Variants in ZFHX4 observed in about 807,000 individuals in gnomAD.
The protein encoded by ZFHX4 is zinc finger homeobox 4.
A neutral mutation model predicts 267.6 loss-of-function variants in ZFHX4; 56 were observed. The observed-to-expected ratio is 0.21, with a 90% CI of 0.17 to 0.26. The LOEUF is 0.26. Among genes scored for constraint, ZFHX4 ranks in the 10% least tolerant of loss-of-function variants. ZFHX4 has a pLI of 1.00. For synonymous variants in ZFHX4, 1,778 were observed against 1,665.6 expected (o/e 1.07, Z -1.64); for missense variants, 4,332 against 4,420.0 (o/e 0.98, Z 0.56).
At chr8:76,766,436 G>T (rs887718519) in intron 3 of ZFHX4, among the ~76,000 whole-genome samples, 3 of 151,870 alleles carry the variant, frequency 2.0e-5, no homozygotes, top group African/African-American at 7.3e-5. Flanking sequence ...ACAAAAGCAT[G>T]GTTTTAATTT....
intron 3 of ZFHX4, among the ~76,000 whole-genome samples, chr8:76,708,724 T>G (rs540885598): frequency 6.6e-6 from 1 of 152,342 alleles, no homozygotes; most frequent in Admixed American, 6.5e-5. Flanking sequence ...ACTGTGCACA[T>G]GTACTGAATA....
At chr8:76,824,613 C>CTGAG (rs1418105724) in intron 4 of ZFHX4, among the ~76,000 whole-genome samples, 1 of 152,092 alleles carries the variant, frequency 6.6e-6, no homozygotes, top group Non-Finnish European at 1.5e-5. Context: ...CACTTTGATC[C>CTGAG]TGAGACTAGA....
chr8:76,710,317 T>C (rs1808390353), intron 3 of ZFHX4, among the ~76,000 whole-genome samples: 1 of 152,190 alleles, frequency 6.6e-6, no homozygotes, highest in Admixed American at 6.5e-5. Context: ...CCAAGTAGCA[T>C]TGTGTTGAGG....
chr8:76,704,691 C>T lies in ZFHX4; in HGVS notation c.603C>T (p.Leu201=), dbSNP rs954096599. ...IINTFHIASS[L]GKPFTADQAF... is the part of the protein sequence containing the mutation. ...ACACTTTTCATATCGCTTCATCCCT[C>T]GGGAAACCATTTACAGCCGATCAGG... The change falls in exon 2 of 11, where the codon CTC becomes CTT. Residue 201 remains leucine (L), a synonymous_variant. Coordinates refer to ENST00000651372, the MANE Select transcript of ZFHX4 (RefSeq NM_024721.5). 1.2e-6 allele frequency: 2 copies of T among 1,613,976 alleles called. No homozygotes were observed. The highest frequency in any genetic ancestry group is 1.7e-6 in the Non-Finnish European group (2 of 1,179,880).
At chr8:76,752,617 G>C (rs1028685168) in intron 3 of ZFHX4, among the ~76,000 whole-genome samples, 1 of 152,038 alleles carries the variant, frequency 6.6e-6, no homozygotes, top group African/African-American at 2.4e-5. Flanking sequence ...GCTGCAGTGA[G>C]CTGAGATCAT....
At chr8:76,785,430 C>T (rs1334724242) in intron 4 of ZFHX4, among the ~76,000 whole-genome samples, 2 of 151,872 alleles carry the variant, frequency 1.3e-5, no homozygotes, top group African/African-American at 2.4e-5. Flanking sequence ...TTTTTGCAGG[C>T]AAATATTCCC....
intron 3 of ZFHX4, among the ~76,000 whole-genome samples, chr8:76,710,858 G>C (rs1244944201): frequency 6.6e-6 from 1 of 152,150 alleles, no homozygotes; most frequent in Non-Finnish European, 1.5e-5. Context: ...GTTAAGGTTA[G>C]CTTAGAAGCA....
chr8:76,752,383 T>C (rs1809637205), intron 3 of ZFHX4, among the ~76,000 whole-genome samples: 1 of 148,818 alleles, frequency 6.7e-6, no homozygotes, highest in Non-Finnish European at 1.5e-5. Context: ...GGCTCACACC[T>C]GTAATCCCAG....
At chr8:76,832,054 C>G (rs1405438789) in intron 4 of ZFHX4, among the ~76,000 whole-genome samples, 1 of 151,362 alleles carries the variant, frequency 6.6e-6, no homozygotes, top group Non-Finnish European at 1.5e-5. Flanking sequence ...AAATAGATTA[C>G]TACTAAAGGC....
chr8:76,741,849 T>G (rs1405523488), intron 3 of ZFHX4, among the ~76,000 whole-genome samples: 1 of 152,218 alleles, frequency 6.6e-6, no homozygotes, highest in East Asian at 1.9e-4. Flanking sequence ...TCCTCCTGTT[T>G]CAGAGATGAC....
chr8:76,688,849 A>G (rs1208510947), intron 1 of ZFHX4, among the ~76,000 whole-genome samples: 1 of 152,140 alleles, frequency 6.6e-6, no homozygotes, highest in Non-Finnish European at 1.5e-5. Context: ...TATTAACCCA[A>G]CTTGTTTGTT....
intron 4 of ZFHX4, among the ~76,000 whole-genome samples, chr8:76,797,116 G>A (rs1217723389): frequency 1.3e-5 from 2 of 152,122 alleles, no homozygotes; most frequent in African/African-American, 2.4e-5. Context: ...CTATTTTGTC[G>A]TATATTCAAT....
At position 76,866,393 on chromosome 8, in the gene ZFHX4, G is replaced by T; in HGVS notation, c.*1828G>T. 6.6e-6 allele frequency: 1 copy of T among 150,922 alleles called. No homozygotes were observed. The allele number at this position is 150,922 out of a possible 1,614,324, so 9.3% of individuals were successfully genotyped here. ...TTTATTATTGTACAGTTTTTGTTTC[G>T]GATGATGATCACAGCAATCTTTATT... is the stretch of plus-strand genomic sequence containing the variant. On this transcript the variant is annotated 3_prime_UTR_variant, in exon 11 of 11. Transcript: ENST00000651372.
In ZFHX4 at chr8:76,854,087, C is replaced by T; in HGVS notation, c.7166C>T (p.Thr2389Ile). The change falls in exon 10 of 11, where the codon ACC becomes ATC. Residue 2389 changes from threonine to isoleucine, a missense_variant. By Grantham distance (89) the Thr-to-Ile change is moderately conservative. Transcript: ENST00000651372. ...GCAAGTTCTGGCTCTGGGACCAGCA[C>T]CCCCCTGATTCCATCACCCAAACCA... ...PAASSGSGTS[T>I]PLIPSPKPEP... is the part of the protein sequence containing the mutation. 6.2e-6 allele frequency: 10 copies of T among 1,613,876 alleles called. No homozygotes were observed. The highest frequency in any genetic ancestry group is 8.5e-6 in the Non-Finnish European group (10 of 1,179,854).
chr8:76,819,553 C>T (rs925376398), intron 4 of ZFHX4, among the ~76,000 whole-genome samples: 3 of 152,086 alleles, frequency 2.0e-5, no homozygotes, highest in Non-Finnish European at 2.9e-5. Context: ...GGGTGCCGCT[C>T]TTCTGGGAGA....
At chr8:76,825,832 G>A (rs1165073327) in intron 4 of ZFHX4, among the ~76,000 whole-genome samples, 3 of 152,194 alleles carry the variant, frequency 2.0e-5, no homozygotes, top group Non-Finnish European at 4.4e-5. Context: ...TAAAAACAGT[G>A]CAGCCTTAGA....
At chr8:76,682,120 C>T (rs1807548776) in intron 1 of ZFHX4, among the ~76,000 whole-genome samples, 1 of 152,066 alleles carries the variant, frequency 6.6e-6, no homozygotes, top group Non-Finnish European at 1.5e-5. Flanking sequence ...CCGCTCGCCC[C>T]GCGCCCCTGC....
rs1261413861 is a variant in ZFHX4 at position 76,704,589 on chromosome 8, G to C, written c.501G>C (p.Leu167=). The C allele has an allele frequency of 1.2e-6, 2 of 1,613,922 alleles. No homozygotes were observed. Among genetic ancestry groups the C allele is most frequent in the Non-Finnish European group, 1.7e-6 (2 of 1,179,884 alleles). Residue 167 remains leucine, a synonymous_variant, in exon 2 of 11, where the codon CTG becomes CTC. Transcript: ENST00000651372. ...NSKLFSTAMF[L]DSLASAGEKS... ...AACTCTTTTCTACAGCGATGTTCCT[G>C]GACTCCCTGGCATCTGCTGGAGAGA...
chr8:76,713,033 C>G (rs1585873333), intron 3 of ZFHX4, among the ~76,000 whole-genome samples: 1 of 152,224 alleles, frequency 6.6e-6, no homozygotes, highest in Admixed American at 6.5e-5. Flanking sequence ...TAATAAATCC[C>G]TGGTGTTTTC....
Sources: allele counts gnomAD v4.1 joint callset (sites outside exome capture counted in the v4.1 genomes callset), GRCh38; gene constraint gnomAD v4.1.1; transcripts MANE v1.5; gene names NCBI Gene and HGNC (gene_info 2026-07-23, HGNC 2026-07-21).